The following MDM1 variants were observed in gnomAD, a reference collection of about 807,000 sequenced individuals.
The protein encoded by MDM1 is Mdm1 nuclear protein.
Under a neutral mutation model 89.1 loss-of-function variants are expected in MDM1, and 61 were observed. That is an observed-to-expected ratio of 0.68 (90% CI 0.56 to 0.85). MDM1 has a LOEUF of 0.85. MDM1 is among the 40% of genes least tolerant of loss of function. MDM1 has a pLI of 0.00. For missense variants in MDM1, 820 were observed against 846.5 expected (o/e 0.97, Z 0.39); for synonymous variants, 290 against 294.1 (o/e 0.99, Z 0.14).
At chr12:68,315,742 T>C (rs1337129992) in intron 9 of MDM1, among the ~76,000 whole-genome samples, 3 of 152,232 alleles carry the variant, frequency 2.0e-5, no homozygotes, top group African/African-American at 7.2e-5. Context: ...ATTAATAGCT[T>C]GCAGTCTCTA....
intron 1 of MDM1, 37 bp from the exon 2 acceptor site, chr12:68,331,258 TAATG>T (rs774442334): frequency 3.7e-6 from 4 of 1,087,770 alleles, no homozygotes; most frequent in East Asian, 4.7e-5. Flanking sequence ...ACAGTCCAAT[TAATG>T]AATGATGTTT....
chr12:68,327,227 T>C, intron 2 of MDM1: 1 of 1,406,150 alleles, frequency 7.1e-7, no homozygotes, highest in Non-Finnish European at 9.2e-7. Flanking sequence ...TTAAAAGCAT[T>C]AAAAATTTGA....
chr12:68,304,233 A>AC (rs1244115249), intron 12 of MDM1, among the ~76,000 whole-genome samples: 2 of 152,098 alleles, frequency 1.3e-5, no homozygotes, highest in African/African-American at 4.8e-5. Context: ...ACACGGCGAG[A>AC]CCCCATATCT....
chr12:68,315,997 G>T, intron 9 of MDM1, 81 bp downstream of exon 9: 1 of 1,159,728 alleles, frequency 8.6e-7, no homozygotes, highest in Non-Finnish European at 1.2e-6. Flanking sequence ...ATTTTGAGTA[G>T]TCAGGTCATT....
At chr12:68,331,930 G>C (rs1352671686) in intron 1 of MDM1, 2 of 673,084 alleles carry the variant, frequency 3.0e-6, no homozygotes, top group African/African-American at 3.5e-5. Context: ...GTCGCCTTTA[G>C]TTCTCTTCGC....
chr12:68,332,316 T>A lies in MDM1; in HGVS notation c.-71A>T. On this transcript the variant is annotated 5_prime_UTR_variant, in exon 1 of 15. Transcript: ENST00000682720. Reference sequence around the variant, plus strand: ...AAAAAGCTCCGAGGGGGCGGGGCGATAACAGTGTTCCCTAGCAAAGCCTCG... The same window carrying A: ...AAAAAGCTCCGAGGGGGCGGGGCGAAAACAGTGTTCCCTAGCAAAGCCTCG... The A allele has an allele frequency of 6.7e-7, 1 of 1,497,012 alleles. No homozygotes were observed. Among genetic ancestry groups the A allele is most frequent in the Non-Finnish European group, 8.9e-7 (1 of 1,119,234 alleles). 92.7% of individuals were successfully genotyped at this position (1,497,012 alleles called of 1,614,324 possible). A position where few individuals can be genotyped will look rare whatever the true frequency, so the allele number is the denominator to read the frequency against.
At chr12:68,325,757 T>C in intron 3 of MDM1, 182 bp from the exon 4 acceptor site, 1 of 1,239,544 alleles carries the variant, frequency 8.1e-7, no homozygotes. Flanking sequence ...TTATAAATAG[T>C]ATCTTTTTTC....
At position 68,327,317 on chromosome 12, in the gene MDM1, T is replaced by C. The variant is rs975619729; in HGVS notation, c.134-296A>G. On this transcript the variant is annotated intron_variant, in intron 2 of 14. Transcript: ENST00000682720. Reference sequence around the variant, plus strand: ...AAAAGTCACTAGAATTGCAACGTGATAGACCTGGCAGGCCAGGCAGTACAT... The same window carrying C: ...AAAAGTCACTAGAATTGCAACGTGACAGACCTGGCAGGCCAGGCAGTACAT... 2.7e-6 allele frequency: 4 copies of C among 1,463,290 alleles called. No individual in the cohort carries two copies. In the African/African-American group the frequency reaches 4.2e-5, roughly 16 times the overall value. The allele number at this position is 1,463,290 out of a possible 1,614,324, so 90.6% of individuals were successfully genotyped here. A position where few individuals can be genotyped will look rare whatever the true frequency, so the allele number is the denominator to read the frequency against.
Position 68,331,213 on chromosome 12 carries a change from A to T in MDM1, c.27T>A (p.Ser9Arg). The T allele has an allele frequency of 1.9e-6, 3 of 1,567,012 alleles. No individual in the cohort carries two copies. The highest frequency in any genetic ancestry group is 2.6e-6 in the Non-Finnish European group (3 of 1,137,026). The change falls in exon 2 of 15, where the codon AGT (serine) becomes AGA (arginine). Residue 9 changes from serine (S) to arginine (R), a missense_variant. Physicochemically the swap from Ser to Arg is moderately radical, Grantham distance 110. Coordinates refer to ENST00000682720, the MANE Select transcript of MDM1 (RefSeq NM_001354969.2). ...TCCACAGGAAGTTCCTCTGGTATTC[A>T]CTCAGCCCCTGTAATGCAAAGTACA... Reference protein sequence around the residue: MPVRFKGLSEYQRNFLWKK... With the variant: MPVRFKGLREYQRNFLWKK...
At position 68,302,789 on chromosome 12, in the gene MDM1, A is replaced by C. The variant is rs61746526; in HGVS notation, c.1833T>G (p.Ser611=). 2.3e-3 allele frequency: 3,691 copies of C among 1,613,746 alleles called. 59 individuals carry two copies. The African/African-American group carries it at 0.039, about 17-fold the overall frequency. The change falls in exon 13 of 15, where the codon TCT becomes TCG. Residue 611 remains serine (S), a synonymous_variant. Coordinates refer to ENST00000682720, the MANE Select transcript of MDM1 (RefSeq NM_001354969.2). The stretch of plus-strand genomic sequence containing the variant: ...CAGCAAATTTGTGGATATTGTCTTC[A>C]GAATCTTCCCGCAAAGGCAGAGGAT... The part of the protein sequence containing the change: ...TVDPLPLRED[S]EDNIHKFAEA...
intron 13 of MDM1, among the ~76,000 whole-genome samples, chr12:68,300,301 C>T (rs1286461639): frequency 1.3e-5 from 2 of 152,054 alleles, no homozygotes; most frequent in Non-Finnish European, 2.9e-5. Context: ...ATCTAAGTAA[C>T]AACTAACACA....
intron 5 of MDM1, among the ~76,000 whole-genome samples, chr12:68,322,453 T>C (rs1374847623): frequency 6.6e-6 from 1 of 152,042 alleles, no homozygotes; most frequent in African/African-American, 2.4e-5. Context: ...GCCAACACAG[T>C]GAAACCCGCA....
Position 68,326,767 on chromosome 12 carries a change from CT to C in MDM1, c.387del (p.Ala131LeufsTer10), listed in dbSNP as rs758777520. ...TCATTATTTTCCACATCTGAAGCCC[CT>C]TCAGCTCTGGAGTCTGCAGAGTGAG... ...TRSHSADSRA[E>X]GASDVENNEG... On this transcript the variant is annotated frameshift_variant, in exon 3 of 15. Coordinates refer to ENST00000682720, the MANE Select transcript of MDM1 (RefSeq NM_001354969.2). LOFTEE classifies it high-confidence loss of function. 6.2e-7 allele frequency: 1 copy of C among 1,614,078 alleles called. No homozygotes were observed. The highest frequency in any genetic ancestry group is 2.2e-5 in the East Asian group (1 of 44,890).
chr12:68,322,989 C>T, intron 5 of MDM1, 84 bp downstream of exon 5: 2 of 1,361,720 alleles, frequency 1.5e-6, no homozygotes, highest in Non-Finnish European at 2.0e-6. Flanking sequence ...ACCAAAAACT[C>T]CCAGGTGGTA....
intron 12 of MDM1, among the ~76,000 whole-genome samples, chr12:68,309,049 C>T (rs1167754553): frequency 6.6e-6 from 1 of 152,226 alleles, no homozygotes; most frequent in East Asian, 1.9e-4. Context: ...CTCTTGCCTC[C>T]TATGGCAGCC....
intron 12 of MDM1, 26 bp downstream of exon 12, chr12:68,313,417 T>C (rs372548011): frequency 1.3e-6 from 2 of 1,495,242 alleles, no homozygotes; most frequent in Non-Finnish European, 1.9e-6. Flanking sequence ...CTAGATGAGA[T>C]GCTTTTTTCC....
chr12:68,307,146 T>C (rs1025086803), intron 12 of MDM1, among the ~76,000 whole-genome samples: 2 of 151,684 alleles, frequency 1.3e-5, no homozygotes, highest in African/African-American at 2.4e-5. Flanking sequence ...AAACAAGAGG[T>C]ACACACAACA....
intron 2 of MDM1, among the ~76,000 whole-genome samples, chr12:68,328,895 C>T (rs1876390799): frequency 6.6e-6 from 1 of 152,152 alleles, no homozygotes; most frequent in Non-Finnish European, 1.5e-5. Context: ...CTCCCCATGA[C>T]CTAAAATTCC....
At chr12:68,328,868 GA>G (rs1876386766) in intron 2 of MDM1, among the ~76,000 whole-genome samples, 1 of 152,060 alleles carries the variant, frequency 6.6e-6, no homozygotes. Context: ...GAGCATTCTG[GA>G]ATTCTTGCTC....
Sources: gnomAD v4.1 joint callset for allele counts (sites outside exome capture counted in the v4.1 genomes callset) on GRCh38, gnomAD v4.1.1 for gene constraint, MANE v1.5 for transcripts, NCBI Gene and HGNC (gene_info 2026-07-23, HGNC 2026-07-21) for gene names.